SERGEF: variants seen among roughly 807,000 people sequenced by gnomAD.
SERGEF encodes the protein secretion regulating guanine nucleotide exchange factor, also known as secretion-regulating guanine nucleotide exchange factor.
Under a neutral mutation model 50.0 loss-of-function variants are expected in SERGEF, and 51 were observed. That is an observed-to-expected ratio of 1.02 (90% CI 0.81 to 1.29). SERGEF has a LOEUF of 1.29. Ranked by LOEUF, SERGEF falls within the 50% of genes most tolerant of loss-of-function variation. SERGEF has a pLI of 0.00. For missense variants in SERGEF, 521 were observed against 557.0 expected (o/e 0.94, Z 0.65); for synonymous variants, 205 against 212.4 (o/e 0.97, Z 0.30).
At chr11:17,812,654 C>T (rs1246240074) in intron 10 of SERGEF, among the ~76,000 whole-genome samples, 1 of 152,182 alleles carries the variant, frequency 6.6e-6, no homozygotes, top group South Asian at 2.1e-4. Context: ...GCCTTCATCT[C>T]TCCAGGATGA....
At chr11:17,999,550 T>G (rs1426749461) in intron 5 of SERGEF, 8 of 456,032 alleles carry the variant, frequency 1.8e-5, no homozygotes, top group Non-Finnish European at 3.1e-5. Context: ...GAGCCTCAGC[T>G]GCCACAGCCA....
intron 10 of SERGEF, chr11:17,856,585 T>C (rs900044588): frequency 6.6e-6 from 1 of 152,178 alleles, no homozygotes; most frequent in African/African-American, 2.4e-5. Flanking sequence ...CCCAAGTCCT[T>C]AAGCTGCAGA....
At chr11:17,837,856 G>A (rs992387889) in intron 10 of SERGEF, among the ~76,000 whole-genome samples, 2 of 151,948 alleles carry the variant, frequency 1.3e-5, no homozygotes, top group South Asian at 4.2e-4. Flanking sequence ...TAGAGATGGG[G>A]GGGTTTCACT....
chr11:17,809,005 G>C (rs551805317), intron 10 of SERGEF, among the ~76,000 whole-genome samples: 1 of 152,176 alleles, frequency 6.6e-6, no homozygotes, highest in Non-Finnish European at 1.5e-5. Flanking sequence ...GGCTAAACCC[G>C]GTCTTTCCAG....
chr11:17,945,651 A>T (rs1259615069), intron 9 of SERGEF, among the ~76,000 whole-genome samples: 3 of 152,172 alleles, frequency 2.0e-5, no homozygotes, highest in Admixed American at 2.0e-4. Flanking sequence ...TGTGGAACTA[A>T]TACACAGCAG....
intron 9 of SERGEF, among the ~76,000 whole-genome samples, chr11:17,887,250 C>A (rs949751854): frequency 6.6e-6 from 1 of 152,166 alleles, no homozygotes; most frequent in Admixed American, 6.5e-5. Context: ...ATTTGCTTCA[C>A]CTGTTTTCCT....
intron 10 of SERGEF, among the ~76,000 whole-genome samples, chr11:17,838,084 G>T (rs1355277487): frequency 6.6e-6 from 1 of 152,198 alleles, no homozygotes; most frequent in African/African-American, 2.4e-5. Flanking sequence ...AGACCTGGGT[G>T]CCATATGTGG....
At position 17,988,770 on chromosome 11, in the gene SERGEF, AG is replaced by A; in HGVS notation, c.686-16del. ...CTCTCCTGCATCTTAAACAAACAGA[AG>A]GGTAACAAAAGAGGTGAGGGAACAT... On this transcript the variant is annotated splice_polypyrimidine_tract_variant and intron_variant, in intron 7 of 10. Transcript: ENST00000265965. 1 of 1,611,890 alleles carries A rather than the reference AG, an allele frequency of 6.2e-7. No individual in the cohort carries two copies. Among genetic ancestry groups the A allele is most frequent in the Non-Finnish European group, 8.5e-7 (1 of 1,178,612 alleles).
chr11:17,922,459 C>T (rs61882456), intron 9 of SERGEF, among the ~76,000 whole-genome samples: 17,547 of 152,126 alleles, frequency 0.12, 1,329 homozygotes, highest in Middle Eastern at 0.22. Context: ...AGAACCTGAC[C>T]CTTTGCAGAA....
intron 10 of SERGEF, among the ~76,000 whole-genome samples, chr11:17,811,658 C>G (rs986073189): frequency 6.6e-6 from 1 of 152,208 alleles, no homozygotes. Context: ...CTCCTTTGCC[C>G]CAGGCACTGT....
intron 10 of SERGEF, among the ~76,000 whole-genome samples, chr11:17,837,033 A>G (rs1334447136): frequency 6.6e-6 from 1 of 152,166 alleles, no homozygotes; most frequent in Admixed American, 6.5e-5. Flanking sequence ...GCTATCTTTT[A>G]GAGGTATAAG....
intron 2 of SERGEF, 32 bp downstream of exon 2, chr11:18,007,909 A>G (rs1480054485): frequency 6.3e-7 from 1 of 1,589,866 alleles, no homozygotes; most frequent in Non-Finnish European, 8.6e-7. Flanking sequence ...AAATAAGAAA[A>G]TGAGTGACTA....
chr11:17,841,765 C>T (rs1354720798), intron 10 of SERGEF, among the ~76,000 whole-genome samples: 1 of 152,164 alleles, frequency 6.6e-6, no homozygotes, highest in Non-Finnish European at 1.5e-5. Flanking sequence ...CCTAATCTCC[C>T]CCTCCAGCCT....
At chr11:17,865,599 T>C (rs1355658352) in intron 10 of SERGEF, among the ~76,000 whole-genome samples, 2 of 152,008 alleles carry the variant, frequency 1.3e-5, no homozygotes, top group South Asian at 2.1e-4. Context: ...GTTTGTGTTT[T>C]AAACAAAAAA....
chr11:17,895,944 G>A (rs1851611892), intron 9 of SERGEF, among the ~76,000 whole-genome samples: 2 of 152,052 alleles, frequency 1.3e-5, no homozygotes, highest in Admixed American at 1.3e-4. Flanking sequence ...TGATTTTCCA[G>A]ACTTTATAGC....
At chr11:18,000,197 C>T (rs938937385) in intron 5 of SERGEF, among the ~76,000 whole-genome samples, 2 of 152,172 alleles carry the variant, frequency 1.3e-5, no homozygotes, top group African/African-American at 4.8e-5. Context: ...CTTGTAATCC[C>T]AGTACTTTGG....
intron 7 of SERGEF, among the ~76,000 whole-genome samples, chr11:17,992,256 C>G (rs1192905703): frequency 6.6e-6 from 1 of 151,896 alleles, no homozygotes; most frequent in Non-Finnish European, 1.5e-5. Context: ...AACTACATAT[C>G]TAGAGTTAGA....
At chr11:17,823,064 T>C (rs547769597) in intron 10 of SERGEF, among the ~76,000 whole-genome samples, 7 of 152,332 alleles carry the variant, frequency 4.6e-5, no homozygotes, top group African/African-American at 1.7e-4. Flanking sequence ...CAGGATACCG[T>C]ATTACATTTA....
chr11:17,918,618 A>AG (rs1179950629), intron 9 of SERGEF: 75 of 361,456 alleles, frequency 2.1e-4, no homozygotes, highest in East Asian at 1.9e-3. Context: ...TAAATAAAGC[A>AG]GGAACAGACA....
Sources: gnomAD v4.1 joint callset for allele counts (sites outside exome capture counted in the v4.1 genomes callset) on GRCh38, gnomAD v4.1.1 for gene constraint, MANE v1.5 for transcripts, NCBI Gene and HGNC (gene_info 2026-07-23, HGNC 2026-07-21) for gene names.